Variants in CSMD3 observed in about 807,000 individuals in gnomAD.
CSMD3 encodes CUB and Sushi multiple domains 3, also known as CUB and sushi domain-containing protein 3.
A neutral mutation model predicts 435.2 loss-of-function variants in CSMD3; 177 were observed. That is an observed-to-expected ratio of 0.41 (90% CI 0.36 to 0.46). The LOEUF (loss-of-function observed/expected upper bound fraction) is 0.46. Ranked by LOEUF, CSMD3 falls within the 20% of genes least tolerant of loss-of-function variation. The pLI is 0.34. For missense variants in CSMD3, 4,265 were observed against 4,504.6 expected (o/e 0.95, Z 1.52); for synonymous variants, 1,656 against 1,520.5 (o/e 1.09, Z -2.07).
intron 4 of CSMD3, among the ~76,000 whole-genome samples, chr8:113,170,020 AT>A (rs2092238071): frequency 6.6e-6 from 1 of 152,202 alleles, no homozygotes; most frequent in Admixed American, 6.5e-5. Context: ...TGTGGAATAC[AT>A]TTTTTCTTAA....
chr8:113,312,235 C>A (rs1428054232), intron 2 of CSMD3: 1 of 152,186 alleles, frequency 6.6e-6, no homozygotes, highest in Non-Finnish European at 1.5e-5. Flanking sequence ...ATTCAAGCCT[C>A]ATTTTATCAG....
intron 13 of CSMD3, among the ~76,000 whole-genome samples, chr8:112,735,998 A>C (rs1269055280): frequency 6.6e-6 from 1 of 151,968 alleles, no homozygotes; most frequent in Non-Finnish European, 1.5e-5. Context: ...TTCAATTTTC[A>C]GTTTTATATA....
intron 22 of CSMD3, among the ~76,000 whole-genome samples, chr8:112,590,257 C>A (rs1831070714): frequency 6.6e-6 from 1 of 151,950 alleles, no homozygotes; most frequent in African/African-American, 2.4e-5. Flanking sequence ...TACAATCACT[C>A]AAATAAAAAT....
chr8:112,387,111 T>C (rs1430027207), intron 36 of CSMD3, among the ~76,000 whole-genome samples: 1 of 152,198 alleles, frequency 6.6e-6, no homozygotes, highest in Non-Finnish European at 1.5e-5. Context: ...AATTCTCCAA[T>C]AGACCCTGCT....
intron 4 of CSMD3, among the ~76,000 whole-genome samples, chr8:113,168,519 CAAAAAAA>C (rs71281204): frequency 2.4e-4 from 4 of 17,018 alleles, no homozygotes; most frequent in Admixed American, 1.6e-3. Flanking sequence ...GACTCTGTCT[CAAAAAAA>C]AAAAAAAAAA....
At chr8:113,363,600 T>C (rs2094292233) in intron 1 of CSMD3, among the ~76,000 whole-genome samples, 1 of 152,166 alleles carries the variant, frequency 6.6e-6, no homozygotes, top group African/African-American at 2.4e-5. Context: ...CTTTCGTGGC[T>C]GCTTCGCCCC....
At chr8:112,526,908 A>G (rs1340032876) in intron 27 of CSMD3, among the ~76,000 whole-genome samples, 3 of 151,952 alleles carry the variant, frequency 2.0e-5, no homozygotes, top group Non-Finnish European at 4.4e-5. Context: ...AGGTTTGTCT[A>G]TTTGACATAA....
chr8:113,382,676 G>C (rs778576713), intron 1 of CSMD3, among the ~76,000 whole-genome samples: 2 of 151,944 alleles, frequency 1.3e-5, no homozygotes, highest in Non-Finnish European at 2.9e-5. Flanking sequence ...AGTCACTTCC[G>C]CACAAGAATT....
chr8:112,472,549 T>C (rs764137408), intron 32 of CSMD3, 42 bp downstream of exon 32: 3 of 1,023,406 alleles, frequency 2.9e-6, no homozygotes, highest in African/African-American at 3.1e-5. Context: ...AAATAAAGCA[T>C]GTCTGGATGA....
intron 16 of CSMD3, among the ~76,000 whole-genome samples, chr8:112,675,385 C>A (rs2075749379): frequency 6.6e-6 from 1 of 152,032 alleles, no homozygotes; most frequent in Non-Finnish European, 1.5e-5. Context: ...ATAAAGCAGA[C>A]CCATGAATGT....
intron 2 of CSMD3, among the ~76,000 whole-genome samples, chr8:113,300,041 C>T (rs2093753031): frequency 6.6e-6 from 1 of 151,090 alleles, no homozygotes; most frequent in African/African-American, 2.4e-5. Flanking sequence ...GCAGTCCCAG[C>T]TACTTGGGAG....
intron 10 of CSMD3, among the ~76,000 whole-genome samples, chr8:112,875,524 G>T (rs551801721): frequency 6.8e-4 from 103 of 152,188 alleles, no homozygotes; most frequent in African/African-American, 2.0e-3. Context: ...TTCCAACTTG[G>T]TTCCATTCTC....
At chr8:112,328,656 G>A (rs1294134851) in intron 45 of CSMD3, among the ~76,000 whole-genome samples, 3 of 152,152 alleles carry the variant, frequency 2.0e-5, no homozygotes, top group Non-Finnish European at 4.4e-5. Flanking sequence ...TAAGCCCCAT[G>A]TGTTGAGAGA....
Position 113,011,102 on chromosome 8 carries a change from C to T in CSMD3, c.1030+7965G>A, listed in dbSNP as rs1190093688. ...CCTCTAATAATTCTGGCAGTCTCAA[C>T]ATTAATACATATTGTTAACTCCTAA... On this transcript the variant is annotated intron_variant, in intron 6 of 70. Coordinates refer to ENST00000297405, the MANE Select transcript of CSMD3 (RefSeq NM_198123.2). 2.0e-5 allele frequency among the ~76,000 whole-genome samples: 3 copies of T among 151,542 alleles called. No homozygotes were observed. In the East Asian group the frequency reaches 5.8e-4, roughly 29 times the overall value.
At position 113,014,615 on chromosome 8, in the gene CSMD3, C is replaced by CCA. The variant is rs574977580; in HGVS notation, c.1030+4450_1030+4451dup. Among the ~76,000 whole-genome samples the CCA allele has an allele frequency of 3.9e-5, 6 of 152,004 alleles. No individual in the cohort carries two copies. The South Asian group carries it at 6.2e-4, about 16-fold the overall frequency. ...ATCATTTTCAGGGTATCTTGTAAGC[C>CCA]CATTACACAAAGCAAAGTTTTCTGA... is the stretch of plus-strand genomic sequence containing the variant. On this transcript the variant is annotated intron_variant, in intron 6 of 70. Coordinates refer to ENST00000297405, the MANE Select transcript of CSMD3 (RefSeq NM_198123.2).
intron 22 of CSMD3, among the ~76,000 whole-genome samples, chr8:112,632,808 AT>A (rs1348388380): frequency 1.3e-5 from 2 of 151,812 alleles, no homozygotes; most frequent in East Asian, 1.9e-4. Context: ...GTAGTTTTTA[AT>A]TTTTTTATTT....
intron 3 of CSMD3, among the ~76,000 whole-genome samples, chr8:113,231,085 G>C (rs2132186704): frequency 6.6e-6 from 1 of 151,028 alleles, no homozygotes; most frequent in Admixed American, 6.6e-5. Flanking sequence ...CAATACTTCT[G>C]TATTCTTCCC....
rs544129256 is a variant in CSMD3, at chr8:112,992,063, G to GA, written c.1031-15916dup. Among the ~76,000 whole-genome samples, 4 of 151,854 alleles carry GA rather than the reference G, an allele frequency of 2.6e-5. No homozygotes were observed. In the South Asian group the frequency reaches 8.3e-4, roughly 32 times the overall value. ...ATAGTAGATCCTCATTATTCTTCCA[G>GA]AAAATATCAGAAAAGAATCACTGGG... On this transcript the variant is annotated intron_variant, in intron 6 of 70. Transcript: ENST00000297405.
chr8:113,194,893 T>C (rs1336034172), intron 3 of CSMD3, among the ~76,000 whole-genome samples: 2 of 151,206 alleles, frequency 1.3e-5, no homozygotes, highest in Non-Finnish European at 3.0e-5. Context: ...ATATTTACTA[T>C]GTATTTCGTT....
Sources: gnomAD v4.1 joint callset for allele counts (sites outside exome capture counted in the v4.1 genomes callset) on GRCh38, gnomAD v4.1.1 for gene constraint, MANE v1.5 for transcripts, NCBI Gene and HGNC (gene_info 2026-07-23, HGNC 2026-07-21) for gene names.